Variants in PARP8 observed in about 807,000 individuals in gnomAD.
The protein encoded by PARP8 is poly(ADP-ribose) polymerase family member 8, also known as protein mono-ADP-ribosyltransferase PARP8.
Under a neutral mutation model 124.1 loss-of-function variants are expected in PARP8, and 51 were observed. The ratio of observed to expected loss-of-function variants is 0.41; its 90% CI spans 0.33 to 0.52. PARP8 has a LOEUF of 0.52. Among genes scored for constraint, PARP8 ranks in the 20% least tolerant of loss-of-function variants. The pLI is 0.21. For synonymous variants in PARP8, 391 were observed against 361.5 expected, an observed-to-expected ratio of 1.08 and a Z score of -0.93; for missense variants, 860 against 1,018.9, an observed-to-expected ratio of 0.84 and a Z score of 2.12.
At chr5:50,687,256 A>G (rs1751971869) in intron 2 of PARP8, among the ~76,000 whole-genome samples, 1 of 152,126 alleles carries the variant, frequency 6.6e-6, no homozygotes, top group African/African-American at 2.4e-5. Flanking sequence ...CAGGGGCAAA[A>G]TGCTGCCAGT....
At chr5:50,751,588 A>G (rs1366881416) in intron 3 of PARP8, among the ~76,000 whole-genome samples, 2 of 152,140 alleles carry the variant, frequency 1.3e-5, no homozygotes, top group Non-Finnish European at 2.9e-5. Flanking sequence ...TCCAGTGCGC[A>G]GTATACCAAG....
intron 2 of PARP8, among the ~76,000 whole-genome samples, chr5:50,677,407 A>G (rs1166251846): frequency 1.3e-5 from 2 of 152,050 alleles, no homozygotes; most frequent in Non-Finnish European, 2.9e-5. Flanking sequence ...TGTAGTTAAC[A>G]GTCAGATTTT....
intron 7 of PARP8, among the ~76,000 whole-genome samples, chr5:50,769,801 A>G (rs904992646): frequency 2.6e-5 from 4 of 152,064 alleles, no homozygotes; most frequent in African/African-American, 4.8e-5. Context: ...CTGGAATGAG[A>G]TAAGCAAAAA....
intron 2 of PARP8, among the ~76,000 whole-genome samples, chr5:50,684,003 C>T (rs1416706523): frequency 1.3e-5 from 2 of 152,150 alleles, no homozygotes; most frequent in Non-Finnish European, 2.9e-5. Flanking sequence ...AGGCTATTCT[C>T]ATATAAAACT....
chr5:50,677,744 G>A (rs1718295281), intron 2 of PARP8, among the ~76,000 whole-genome samples: 1 of 152,056 alleles, frequency 6.6e-6, no homozygotes, highest in South Asian at 2.1e-4. Flanking sequence ...CTTTCCAGCT[G>A]TAAGTCGTCA....
chr5:50,722,780 C>T (rs1226472053), intron 2 of PARP8, among the ~76,000 whole-genome samples: 1 of 151,788 alleles, frequency 6.6e-6, no homozygotes, highest in Non-Finnish European at 1.5e-5. Flanking sequence ...CTGGTATGAC[C>T]CCAGCTCTCT....
At position 50,842,159 on chromosome 5, in the gene PARP8, T is replaced by G; in HGVS notation, c.*91T>G. 2.2e-6 allele frequency: 2 copies of G among 897,834 alleles called. No homozygotes were observed. Among genetic ancestry groups the G allele is most frequent in the Non-Finnish European group, 3.4e-6 (2 of 592,408 alleles). The allele number at this position is 897,834 out of a possible 1,614,324, so 55.6% of individuals were successfully genotyped here. ...AAGAAGATTATAAAATTATTTATTG[T>G]TATTATAAACAAAATTAACCCTTTG... On this transcript the variant is annotated 3_prime_UTR_variant, in exon 26 of 26. Coordinates refer to ENST00000281631, the MANE Select transcript of PARP8 (RefSeq NM_024615.4).
At chr5:50,739,807 A>G (rs1757859161) in intron 2 of PARP8, among the ~76,000 whole-genome samples, 1 of 128,782 alleles carries the variant, frequency 7.8e-6, no homozygotes, top group African/African-American at 3.0e-5. Context: ...ACGATCTTGG[A>G]TCTCTGATCT....
At chr5:50,687,145 G>C (rs1751959533) in intron 2 of PARP8, among the ~76,000 whole-genome samples, 1 of 152,084 alleles carries the variant, frequency 6.6e-6, no homozygotes, top group Non-Finnish European at 1.5e-5. Flanking sequence ...GCCTTTAACA[G>C]TACCCAGGTC....
At chr5:50,729,437 A>G (rs1255709322) in intron 2 of PARP8, among the ~76,000 whole-genome samples, 1 of 152,190 alleles carries the variant, frequency 6.6e-6, no homozygotes, top group Non-Finnish European at 1.5e-5. Flanking sequence ...AAATGTAATG[A>G]AAGGTATTTG....
chr5:50,826,340 A>T (rs1393721735), intron 18 of PARP8, among the ~76,000 whole-genome samples: 12 of 152,144 alleles, frequency 7.9e-5, no homozygotes, highest in Admixed American at 7.9e-4. Flanking sequence ...AAAGAAAAAA[A>T]ATCTTCATAA....
chr5:50,818,859 C>A (rs1400593270), intron 15 of PARP8, among the ~76,000 whole-genome samples: 1 of 152,196 alleles, frequency 6.6e-6, no homozygotes, highest in East Asian at 1.9e-4. Context: ...TTTTGTCATT[C>A]ACACACTCCA....
intron 14 of PARP8, among the ~76,000 whole-genome samples, chr5:50,798,041 T>A (rs921073989): frequency 1.3e-5 from 2 of 152,224 alleles, no homozygotes; most frequent in African/African-American, 4.8e-5. Context: ...TCTGGATATT[T>A]GATATGAATG....
chr5:50,820,518 A>G (rs1745639754), intron 15 of PARP8, among the ~76,000 whole-genome samples: 1 of 152,214 alleles, frequency 6.6e-6, no homozygotes, highest in African/African-American at 2.4e-5. Context: ...ATAGGATAAC[A>G]GGATAACACA....
intron 2 of PARP8, among the ~76,000 whole-genome samples, chr5:50,696,081 A>G (rs1160098418): frequency 6.6e-6 from 1 of 152,190 alleles, no homozygotes; most frequent in Non-Finnish European, 1.5e-5. Flanking sequence ...TTTGCTTTTA[A>G]TGAAGAAAAG....
In PARP8 at chr5:50,828,696, A is replaced by G. The variant is rs551290347; in HGVS notation, c.2163+312A>G. Among the ~76,000 whole-genome samples the G allele has an allele frequency of 3.3e-5, 5 of 151,886 alleles. No homozygotes were observed. The South Asian group carries it at 8.3e-4, about 25-fold the overall frequency. ...GGAGTTTGAGACCAGCCTGGCCAAC[A>G]TGGCAAAACCCTGTCTCTATTAAAA... On this transcript the variant is annotated intron_variant, in intron 21 of 25. Coordinates refer to ENST00000281631, the MANE Select transcript of PARP8 (RefSeq NM_024615.4).
chr5:50,830,526 C>T (rs1746834585), intron 22 of PARP8, among the ~76,000 whole-genome samples: 1 of 152,194 alleles, frequency 6.6e-6, no homozygotes, highest in African/African-American at 2.4e-5. Context: ...AAATTGTTAG[C>T]ATTACTTATC....
chr5:50,739,440 C>T (rs547241525), intron 2 of PARP8, among the ~76,000 whole-genome samples: 1 of 152,004 alleles, frequency 6.6e-6, no homozygotes, highest in South Asian at 2.1e-4. Context: ...TTGATCATCT[C>T]CTCTCGCTAC....
chr5:50,827,187 CTTAT>C (rs1476597415), intron 19 of PARP8, among the ~76,000 whole-genome samples: 1 of 152,066 alleles, frequency 6.6e-6, no homozygotes, highest in Non-Finnish European at 1.5e-5. Context: ...CCTCAGACAA[CTTAT>C]TTATCAGCCT....
Sources: gnomAD v4.1 joint callset for allele counts (sites outside exome capture counted in the v4.1 genomes callset) on GRCh38, gnomAD v4.1.1 for gene constraint, MANE v1.5 for transcripts, NCBI Gene and HGNC (gene_info 2026-07-23, HGNC 2026-07-21) for gene names.